The following ADGRL3 variants were observed in gnomAD, a reference collection of about 807,000 sequenced individuals.
The protein encoded by ADGRL3 is adhesion G protein-coupled receptor L3.
A neutral mutation model predicts 153.5 loss-of-function variants in ADGRL3; 62 were observed. The observed-to-expected ratio is 0.40, with a 90% CI of 0.33 to 0.50. The LOEUF (loss-of-function observed/expected upper bound fraction) is 0.50. Ranked by LOEUF, ADGRL3 falls within the 20% of genes least tolerant of loss-of-function variation. ADGRL3 has a pLI of 0.47. For missense variants in ADGRL3, 1,641 were observed against 1,859.4 expected, an observed-to-expected ratio of 0.88 and a Z score of 2.16; for synonymous variants, 710 against 672.5, an observed-to-expected ratio of 1.06 and a Z score of -0.86.
intron 1 of ADGRL3, among the ~76,000 whole-genome samples, chr4:61,362,329 T>TAC (rs2096297616): frequency 6.8e-6 from 1 of 146,124 alleles, no homozygotes; most frequent in Admixed American, 6.9e-5. Context: ...TTGAAAATTA[T>TAC]ATATATATAT....
chr4:61,537,714 C>T (rs549200123), intron 4 of ADGRL3, among the ~76,000 whole-genome samples: 8 of 152,080 alleles, frequency 5.3e-5, no homozygotes, highest in Non-Finnish European at 4.4e-5. Flanking sequence ...AAATTCCCAA[C>T]GTTCTGTATA....
chr4:61,227,607 T>C (rs981980809), intron 1 of ADGRL3, among the ~76,000 whole-genome samples: 12 of 152,276 alleles, frequency 7.9e-5, no homozygotes, highest in Non-Finnish European at 1.6e-4. Flanking sequence ...TTTCTTTGAC[T>C]GAACTGAGTG....
chr4:61,281,584 C>T (rs893567023), intron 1 of ADGRL3, among the ~76,000 whole-genome samples: 1 of 152,096 alleles, frequency 6.6e-6, no homozygotes, highest in Non-Finnish European at 1.5e-5. Context: ...ATTTATACTT[C>T]TGAATCTTCA....
intron 2 of ADGRL3, among the ~76,000 whole-genome samples, chr4:61,383,797 C>T (rs193244511): frequency 3.9e-4 from 59 of 151,826 alleles, no homozygotes; most frequent in Admixed American, 1.1e-3. Flanking sequence ...AACTTTAAGT[C>T]AATATCCATA....
chr4:61,872,222 A>G (rs1309734938), intron 9 of ADGRL3, among the ~76,000 whole-genome samples: 1 of 152,196 alleles, frequency 6.6e-6, no homozygotes, highest in Non-Finnish European at 1.5e-5. Context: ...GATGATAAAT[A>G]AGTCAGTAAA....
At chr4:61,491,839 A>G (rs960061614) in intron 2 of ADGRL3, among the ~76,000 whole-genome samples, 1 of 152,182 alleles carries the variant, frequency 6.6e-6, no homozygotes, top group African/African-American at 2.4e-5. Context: ...ATCATTAAAA[A>G]GGTACTTTAT....
chr4:61,600,904 A>G (rs1304583062), intron 5 of ADGRL3, among the ~76,000 whole-genome samples: 1 of 152,190 alleles, frequency 6.6e-6, no homozygotes, highest in African/African-American at 2.4e-5. Flanking sequence ...ATTTTCTTAT[A>G]TGACTTCTCA....
intron 1 of ADGRL3, among the ~76,000 whole-genome samples, chr4:61,287,657 T>A (rs1204007205): frequency 6.6e-6 from 1 of 151,934 alleles, no homozygotes; most frequent in Non-Finnish European, 1.5e-5. Context: ...GCTGCCTCCC[T>A]GTTGTGTTTT....
chr4:61,965,626 C>T (rs2150556858), intron 17 of ADGRL3, among the ~76,000 whole-genome samples: 1 of 152,104 alleles, frequency 6.6e-6, no homozygotes, highest in East Asian at 2.0e-4. Flanking sequence ...TGGCAGGCAC[C>T]TGTAGTCCCA....
Position 61,733,182 on chromosome 4 carries a change from A to G in ADGRL3, c.1027A>G (p.Ile343Val). ...LAVDENGLWV[I>V]YATEQNNGKI... ...AGTAGATGAGAATGGGCTATGGGTA[A>G]TCTATGCAACAGAACAAAACAATGG... Residue 343 changes from isoleucine (I) to valine (V), a missense_variant, in exon 8 of 27, where the codon ATC becomes GTC. Coordinates refer to ENST00000683033, the MANE Select transcript of ADGRL3 (RefSeq NM_001387552.1). 6.2e-7 allele frequency: 1 copy of G among 1,613,396 alleles called. No individual in the cohort carries two copies. The highest frequency in any genetic ancestry group is 8.5e-7 in the Non-Finnish European group (1 of 1,179,662).
intron 5 of ADGRL3, among the ~76,000 whole-genome samples, chr4:61,610,138 G>GATAGAT (rs1553981137): frequency 6.8e-6 from 1 of 146,818 alleles, no homozygotes; most frequent in African/African-American, 2.5e-5. Flanking sequence ...AGGGAAGTGA[G>GATAGAT]ATATATATAT....
rs1424589147 is a variant in ADGRL3, at chr4:61,316,600, A to G, written c.-239-66524A>G. On this transcript the variant is annotated intron_variant, in intron 1 of 26. Coordinates refer to ENST00000683033, the MANE Select transcript of ADGRL3 (RefSeq NM_001387552.1). The stretch of plus-strand genomic sequence containing the variant: ...TCATCTGGTTGCTGTATGCATGGGT[A>G]ATGGACTGCTGGTGCGGTGGGAGTA... 2.0e-5 allele frequency among the ~76,000 whole-genome samples: 3 copies of G among 152,232 alleles called. 1 individual carries two copies. Among genetic ancestry groups the G allele is most frequent in the East Asian group, 3.9e-4 (2 of 5,160 alleles).
intron 1 of ADGRL3, among the ~76,000 whole-genome samples, chr4:61,225,800 A>G (rs1747687119): frequency 6.6e-6 from 1 of 152,068 alleles, no homozygotes; most frequent in Admixed American, 6.6e-5. Flanking sequence ...AACAGTCAAA[A>G]TGTTCTCCTT....
intron 6 of ADGRL3, among the ~76,000 whole-genome samples, chr4:61,721,439 T>C (rs2151643301): frequency 6.6e-6 from 1 of 152,302 alleles, no homozygotes; most frequent in South Asian, 2.1e-4. Flanking sequence ...AGAAAAAAGA[T>C]GAAGCCCAGA....
At chr4:61,446,979 AC>A (rs1264401436) in intron 2 of ADGRL3, among the ~76,000 whole-genome samples, 2 of 152,158 alleles carry the variant, frequency 1.3e-5, no homozygotes, top group Non-Finnish European at 2.9e-5. Context: ...TGCTCCAAGT[AC>A]CAATAAGCTC....
intron 9 of ADGRL3, among the ~76,000 whole-genome samples, chr4:61,863,694 A>C (rs1185039791): frequency 2.6e-5 from 4 of 151,112 alleles, no homozygotes; most frequent in African/African-American, 4.9e-5. Flanking sequence ...ATATCATATT[A>C]GTTGTGGGAG....
At chr4:61,497,551 T>C (rs1470939425) in intron 3 of ADGRL3, among the ~76,000 whole-genome samples, 2 of 147,432 alleles carry the variant, frequency 1.4e-5, no homozygotes, top group Non-Finnish European at 3.0e-5. Flanking sequence ...AGCCTCGCAC[T>C]GTCACCCAGG....
intron 2 of ADGRL3, among the ~76,000 whole-genome samples, chr4:61,439,263 C>T (rs1405274379): frequency 1.3e-5 from 2 of 152,012 alleles, no homozygotes; most frequent in Admixed American, 6.6e-5. Context: ...ATTGTGAGGC[C>T]ACTGTACTTA....
At chr4:61,394,228 A>G (rs1311616160) in intron 2 of ADGRL3, among the ~76,000 whole-genome samples, 2 of 152,024 alleles carry the variant, frequency 1.3e-5, no homozygotes, top group African/African-American at 2.4e-5. Flanking sequence ...ATTTAAGGAC[A>G]TATTAGGAAA....
Sources: gnomAD v4.1 joint callset for allele counts (sites outside exome capture counted in the v4.1 genomes callset) on GRCh38, gnomAD v4.1.1 for gene constraint, MANE v1.5 for transcripts, NCBI Gene and HGNC (gene_info 2026-07-23, HGNC 2026-07-21) for gene names.